Variants in CSMD1 observed in about 807,000 individuals in gnomAD.
CSMD1 encodes CUB and sushi domain-containing protein 1.
Under a neutral mutation model 417.5 loss-of-function variants are expected in CSMD1, and 213 were observed. The ratio of observed to expected loss-of-function variants is 0.51; its 90% CI spans 0.46 to 0.57. CSMD1 has a LOEUF of 0.57. CSMD1 is among the 20% of genes least tolerant of loss of function. CSMD1 has a pLI of 0.00. For missense variants in CSMD1, 6,923 were observed against 4,529.7 expected, an observed-to-expected ratio of 1.53 and a Z score of -15.17; for synonymous variants, 2,862 against 1,736.8, an observed-to-expected ratio of 1.65 and a Z score of -16.11.
intron 31 of CSMD1, 76 bp downstream of exon 31, chr8:3,205,428 T>G (rs1245839023): frequency 6.6e-6 from 5 of 761,130 alleles, no homozygotes; most frequent in African/African-American, 1.8e-5. Flanking sequence ...TCTAGCATAC[T>G]TGTTTATCAA....
chr8:3,299,710 G>A (rs1804244774), intron 25 of CSMD1, among the ~76,000 whole-genome samples: 1 of 152,176 alleles, frequency 6.6e-6, no homozygotes, highest in African/African-American at 2.4e-5. Flanking sequence ...GAAGTGCACA[G>A]AGAAGAGGAA....
chr8:4,568,118 A>G (rs2617063), intron 2 of CSMD1, among the ~76,000 whole-genome samples: 152,090 of 152,340 alleles, frequency 1, 75,920 homozygotes, highest in Middle Eastern at 1. Flanking sequence ...TCAAAAGCAC[A>G]TTCACATCTA....
chr8:4,251,719 T>C (rs1563337766), intron 3 of CSMD1, among the ~76,000 whole-genome samples: 1 of 152,020 alleles, frequency 6.6e-6, no homozygotes. Context: ...GTGTACCTAG[T>C]CCTGATGAGA....
intron 2 of CSMD1, among the ~76,000 whole-genome samples, chr8:4,628,896 T>A (rs1161604055): frequency 6.6e-6 from 1 of 152,156 alleles, no homozygotes; most frequent in African/African-American, 2.4e-5. Flanking sequence ...ACGCCTTTTA[T>A]TAAAAGAGAA....
chr8:4,518,164 G>C (rs1174861586), intron 2 of CSMD1, among the ~76,000 whole-genome samples: 4 of 152,114 alleles, frequency 2.6e-5, no homozygotes, highest in African/African-American at 7.2e-5. Flanking sequence ...AAGACAAGAA[G>C]ACAGAGTATG....
chr8:4,693,202 C>A (rs1486711645), intron 1 of CSMD1, among the ~76,000 whole-genome samples: 2 of 152,224 alleles, frequency 1.3e-5, no homozygotes, highest in African/African-American at 4.8e-5. Context: ...AAATGTGAGA[C>A]ACCATGCTCA....
chr8:3,929,043 T>C (rs1051506806), intron 5 of CSMD1, among the ~76,000 whole-genome samples: 4 of 150,480 alleles, frequency 2.7e-5, no homozygotes, highest in East Asian at 1.9e-4. Context: ...GCCATCAGCA[T>C]TGCCATCTAC....
intron 69 of CSMD1, among the ~76,000 whole-genome samples, chr8:2,939,463 G>C (rs911263496): frequency 1.3e-5 from 2 of 152,106 alleles, no homozygotes; most frequent in African/African-American, 4.8e-5. Context: ...AAACCCCTAC[G>C]TACAATCTAT....
At chr8:4,622,175 A>G (rs1801819646) in intron 2 of CSMD1, among the ~76,000 whole-genome samples, 1 of 151,336 alleles carries the variant, frequency 6.6e-6, no homozygotes, top group Non-Finnish European at 1.5e-5. Context: ...AGAGAATTAA[A>G]AAAAAAAAAA....
At chr8:3,569,175 A>C (rs553836491) in intron 10 of CSMD1, among the ~76,000 whole-genome samples, 7 of 152,184 alleles carry the variant, frequency 4.6e-5, no homozygotes, top group African/African-American at 7.2e-5. Flanking sequence ...GAGGCCTTTC[A>C]TTTTATAACT....
intron 3 of CSMD1, among the ~76,000 whole-genome samples, chr8:4,086,060 T>C (rs903077885): frequency 6.6e-6 from 1 of 152,182 alleles, no homozygotes; most frequent in Non-Finnish European, 1.5e-5. Context: ...CAATCAAGTA[T>C]CAACAAACGT....
rs760704051 is a variant in CSMD1, at chr8:3,324,150, C to A, written c.3632-15647G>T. Among the ~76,000 whole-genome samples, 18 of 147,016 alleles carry A rather than the reference C, an allele frequency of 1.2e-4. 2 individuals are homozygous for A. The highest frequency in any genetic ancestry group is 2.4e-4 in the Non-Finnish European group (16 of 67,078). ...GTTAAAATAGACACACATCTAACAC[C>A]CAGAGACTCGGGAGGGGGAGTTTCC... On this transcript the variant is annotated intron_variant, in intron 23 of 69. Transcript: ENST00000635120.
intron 1 of CSMD1, among the ~76,000 whole-genome samples, chr8:4,850,536 A>C (rs1801407617): frequency 6.6e-6 from 1 of 151,870 alleles, no homozygotes; most frequent in Non-Finnish European, 1.5e-5. Context: ...CCTCCTTTGC[A>C]CCACTCCTCC....
At chr8:3,327,603 G>T (rs766170931) in intron 23 of CSMD1, among the ~76,000 whole-genome samples, 1 of 152,088 alleles carries the variant, frequency 6.6e-6, no homozygotes. Context: ...GAATTCGTAG[G>T]ATAATTGTTT....
intron 2 of CSMD1, among the ~76,000 whole-genome samples, chr8:4,422,620 G>A (rs547997466): frequency 1.3e-5 from 2 of 151,976 alleles, no homozygotes; most frequent in African/African-American, 2.4e-5. Flanking sequence ...TCAGACTCCA[G>A]AACTGTGAAA....
intron 30 of CSMD1, among the ~76,000 whole-genome samples, chr8:3,211,007 G>C (rs1165685756): frequency 1.3e-5 from 2 of 152,002 alleles, no homozygotes; most frequent in African/African-American, 2.4e-5. Flanking sequence ...ATCATTTTCT[G>C]GGATACAAGA....
chr8:3,665,186 G>A (rs907303344), intron 7 of CSMD1, among the ~76,000 whole-genome samples: 2 of 152,086 alleles, frequency 1.3e-5, no homozygotes, highest in Non-Finnish European at 2.9e-5. Flanking sequence ...ACAATATTAG[G>A]TATTTGCATC....
intron 5 of CSMD1, among the ~76,000 whole-genome samples, chr8:3,941,803 T>C (rs888315599): frequency 1.3e-5 from 2 of 152,062 alleles, no homozygotes; most frequent in Middle Eastern, 3.2e-3. Flanking sequence ...TGTTCCCTCA[T>C]ACGCAAGGAA....
At chr8:4,310,299 A>C (rs1464429311) in intron 3 of CSMD1, among the ~76,000 whole-genome samples, 1 of 152,154 alleles carries the variant, frequency 6.6e-6, no homozygotes, top group Non-Finnish European at 1.5e-5. Context: ...TGAAATTCTT[A>C]TGGGTGGGTG....
Sources: gnomAD v4.1 joint callset for allele counts (sites outside exome capture counted in the v4.1 genomes callset) on GRCh38, gnomAD v4.1.1 for gene constraint, MANE v1.5 for transcripts, NCBI Gene and HGNC (gene_info 2026-07-23, HGNC 2026-07-21) for gene names.